Variants in ZNF292 observed in about 807,000 individuals in gnomAD.
The protein encoded by ZNF292 is 16 zinc-finger domain protein.
Under a neutral mutation model 217.9 loss-of-function variants are expected in ZNF292, and 26 were observed. That is an observed-to-expected ratio of 0.12 (90% CI 0.09 to 0.17). ZNF292 has a LOEUF of 0.17. Among genes scored for constraint, ZNF292 ranks in the 10% least tolerant of loss-of-function variants. ZNF292 has a pLI of 1.00. For synonymous variants in ZNF292, 1,257 were observed against 1,124.1 expected (o/e 1.12, Z -2.37); for missense variants, 2,904 against 3,175.2 (o/e 0.91, Z 2.05).
At chr6:87,216,790 T>C (rs78984527) in intron 3 of ZNF292, among the ~76,000 whole-genome samples, 181 of 152,146 alleles carry the variant, frequency 1.2e-3, no homozygotes, top group Non-Finnish European at 1.6e-3. Context: ...CTGAGGCTCA[T>C]ACTCCAAAAT....
chr6:87,245,688 A>G (rs975808824), intron 7 of ZNF292, 44 bp downstream of exon 7: 15 of 1,235,528 alleles, frequency 1.2e-5, no homozygotes, highest in African/African-American at 1.5e-5. Flanking sequence ...TGTGTACATT[A>G]TCATTAATAA....
intron 1 of ZNF292, chr6:87,174,071 G>T: frequency 4.6e-6 from 1 of 216,236 alleles, no homozygotes; most frequent in South Asian, 7.0e-5. Context: ...ATGCAATGGG[G>T]ACACCTAAAA....
At chr6:87,204,856 G>A (rs1326311776) in intron 1 of ZNF292, among the ~76,000 whole-genome samples, 3 of 152,104 alleles carry the variant, frequency 2.0e-5, no homozygotes, top group South Asian at 4.2e-4. Context: ...GAACCACTGC[G>A]CCTGGCCACA....
chr6:87,193,708 T>C (rs1250857151), intron 1 of ZNF292, among the ~76,000 whole-genome samples: 1 of 152,226 alleles, frequency 6.6e-6, no homozygotes, highest in Non-Finnish European at 1.5e-5. Context: ...GCACAACCTT[T>C]GTTTCATGCA....
At chr6:87,177,584 G>A (rs1771343257) in intron 1 of ZNF292, among the ~76,000 whole-genome samples, 1 of 152,122 alleles carries the variant, frequency 6.6e-6, no homozygotes, top group African/African-American at 2.4e-5. Flanking sequence ...CTGTCACTAA[G>A]ATTATTAGTT....
At position 87,256,862 on chromosome 6, in the gene ZNF292, C is replaced by A. The variant is rs1365721575; in HGVS notation, c.3233C>A (p.Ser1078Tyr). 6.2e-7 allele frequency: 1 copy of A among 1,613,850 alleles called. No homozygotes were observed. The highest frequency in any genetic ancestry group is 8.5e-7 in the Non-Finnish European group (1 of 1,179,820). Residue 1078 changes from serine (S) to tyrosine (Y), a missense_variant, in exon 8 of 8, where the codon TCC becomes TAC. Ser to Tyr is a moderately radical substitution (Grantham distance 144, BLOSUM62 -2). Coordinates refer to ENST00000369577, the MANE Select transcript of ZNF292 (RefSeq NM_015021.3). ...LESIAFVPPQSDLSNSLGTPS... is the reference protein window; with the variant it reads ...LESIAFVPPQYDLSNSLGTPS... ...AGTATTGCATTTGTTCCACCGCAGT[C>A]CGACCTAAGTAATTCATTAGGAACT...
chr6:87,161,573 A>G (rs1327652007), intron 1 of ZNF292, among the ~76,000 whole-genome samples: 2 of 152,164 alleles, frequency 1.3e-5, no homozygotes, highest in Admixed American at 6.5e-5. Context: ...GTGCACATCA[A>G]CATGCCTAAC....
At chr6:87,251,451 C>CA (rs760758841) in intron 7 of ZNF292, among the ~76,000 whole-genome samples, 3 of 152,142 alleles carry the variant, frequency 2.0e-5, no homozygotes, top group South Asian at 2.1e-4. Context: ...GAAGAGGGTA[C>CA]AAAAGACAAA....
rs74557753 is a variant in ZNF292 at position 87,248,194 on chromosome 6, A to G, written c.1020+2550A>G. Among the ~76,000 whole-genome samples, 1,433 of 152,208 alleles carry G rather than the reference A, an allele frequency of 9.4e-3. 19 individuals are homozygous for G. The highest frequency in any genetic ancestry group is 0.032 in the African/African-American group (1,349 of 41,538). On this transcript the variant is annotated intron_variant, in intron 7 of 7. Coordinates refer to ENST00000369577, the MANE Select transcript of ZNF292 (RefSeq NM_015021.3). ...AGAAGTATTTTTAAGTGAATTTTTTATTTGTTTTTTATTTGTATTTTGTAA... is the reference window on the plus strand; with the variant it reads ...AGAAGTATTTTTAAGTGAATTTTTTGTTTGTTTTTTATTTGTATTTTGTAA...
intron 1 of ZNF292, 28 bp from the exon 2 acceptor site, chr6:87,215,875 A>G: frequency 6.5e-7 from 1 of 1,538,478 alleles, no homozygotes; most frequent in East Asian, 2.4e-5. Context: ...TACATTTTGA[A>G]TACTTTTTAT....
Position 87,215,978 on chromosome 6 carries a change from A to T in ZNF292, c.244A>T (p.Ile82Phe). Residue 82 changes from isoleucine to phenylalanine, a missense_variant, in exon 2 of 8, where the codon ATC (isoleucine) becomes TTC (phenylalanine). Transcript: ENST00000369577. ...TTTATTGGAGGTATACACAGTGGCTATCCAAAGTTATGTTAAAGCCCGACC... is the reference window on the plus strand; with the variant it reads ...TTTATTGGAGGTATACACAGTGGCTTTCCAAAGTTATGTTAAAGCCCGACC... ...LPLLEVYTVA[I>F]QSYVKARPYL... 6.3e-7 allele frequency: 1 copy of T among 1,591,658 alleles called. No individual in the cohort carries two copies. The highest frequency in any genetic ancestry group is 2.2e-5 in the East Asian group (1 of 44,710).
rs1474243987 is a variant in ZNF292 at position 87,155,615 on chromosome 6, G to A, written c.24G>A (p.Gln8=). MADEEAE[Q]ERLSCGEGGC... ...AGATGGCGGACGAAGAGGCCGAGCA[G>A]GAGAGGTTGAGTTGCGGCGAAGGCG... The change falls in exon 1 of 8, where the codon CAG becomes CAA. Residue 8 remains glutamine, a synonymous_variant. Transcript: ENST00000369577. 6.3e-7 allele frequency: 1 copy of A among 1,583,128 alleles called. No homozygotes were observed. Among genetic ancestry groups the A allele is most frequent in the African/African-American group, 1.3e-5 (1 of 74,562 alleles).
At chr6:87,240,294 T>C (rs1307704246) in intron 5 of ZNF292, among the ~76,000 whole-genome samples, 4 of 126,984 alleles carry the variant, frequency 3.1e-5, no homozygotes, top group African/African-American at 1.2e-4. Context: ...TGAGCAGAGA[T>C]GGTGGCAGTA....
chr6:87,247,310 T>C (rs577917110), intron 7 of ZNF292, among the ~76,000 whole-genome samples: 21 of 150,378 alleles, frequency 1.4e-4, no homozygotes, highest in African/African-American at 3.9e-4. Context: ...CATGCATGCA[T>C]GCACAATCAC....
intron 4 of ZNF292, among the ~76,000 whole-genome samples, chr6:87,220,260 T>TA (rs1773016615): frequency 6.6e-6 from 1 of 152,208 alleles, no homozygotes; most frequent in Non-Finnish European, 1.5e-5. Context: ...TCTCAGCTTT[T>TA]AGAAATATTA....
chr6:87,240,649 G>C (rs1774230672), intron 5 of ZNF292, among the ~76,000 whole-genome samples: 1 of 152,130 alleles, frequency 6.6e-6, no homozygotes, highest in African/African-American at 2.4e-5. Context: ...TCGAACTCCT[G>C]ACCTCACGTG....
Position 87,261,208 on chromosome 6 carries a change from G to A in ZNF292, c.7579G>A (p.Ala2527Thr), listed in dbSNP as rs200532757. 26 of 1,610,682 alleles carry A rather than the reference G, an allele frequency of 1.6e-5. No individual in the cohort carries two copies. Among genetic ancestry groups the A allele is most frequent in the Middle Eastern group, 1.6e-4 (1 of 6,068 alleles). The change falls in exon 8 of 8, where the codon GCA (alanine) becomes ACA (threonine). Residue 2527 changes from alanine (A) to threonine (T), a missense_variant. This residue lies in a region of ZNF292 where 380 missense variants were observed against 355.3 expected (regional missense o/e 1.07). Transcript: ENST00000369577. ...DNLCQSERQKASNLKRVNKEK... is the reference protein window; with the variant it reads ...DNLCQSERQKTSNLKRVNKEK... ...CCTCTGCCAGTCAGAAAGACAAAAAGCAAGTAATTTGAAGAGAGTTAATAA... is the reference window on the plus strand; with the variant it reads ...CCTCTGCCAGTCAGAAAGACAAAAAACAAGTAATTTGAAGAGAGTTAATAA...
chr6:87,160,994 C>G lies in ZNF292; in HGVS notation c.168+5235C>G, dbSNP rs891034992. On this transcript the variant is annotated intron_variant, in intron 1 of 7. Coordinates refer to ENST00000369577, the MANE Select transcript of ZNF292 (RefSeq NM_015021.3). ...GATTTTTTTTTTTAGTCCTTCTACT[C>G]TTTTCATATTGAGATAGTTAAGCTC... Among the ~76,000 whole-genome samples the G allele has an allele frequency of 7.9e-5, 12 of 151,992 alleles. No individual in the cohort carries two copies. In the East Asian group the frequency reaches 2.3e-3, roughly 29 times the overall value.
At chr6:87,179,832 C>G (rs1305559592) in intron 1 of ZNF292, among the ~76,000 whole-genome samples, 2 of 152,140 alleles carry the variant, frequency 1.3e-5, no homozygotes, top group African/African-American at 4.8e-5. Flanking sequence ...CCTATTTCCT[C>G]CATGTACGGA....
Sources: allele counts gnomAD v4.1 joint callset (sites outside exome capture counted in the v4.1 genomes callset), GRCh38; gene constraint gnomAD v4.1.1; regional missense constraint gnomAD v4.1.1; transcripts MANE v1.5; gene names NCBI Gene and HGNC (gene_info 2026-07-23, HGNC 2026-07-21).